The following UGT1A8 variants were observed in gnomAD, a reference collection of about 807,000 sequenced individuals.
UGT1A8 encodes the protein UDP glucuronosyltransferase family 1 member A8, also known as UDP-glucuronosyltransferase 1A8.
UGT1A8 carries 39 observed loss-of-function variants against 45.3 expected under a neutral mutation model. The ratio of observed to expected loss-of-function variants is 0.86; its 90% confidence interval spans 0.67 to 1.12. UGT1A8 has a LOEUF of 1.12. Ranked by LOEUF, UGT1A8 falls within the 50% of genes most tolerant of loss-of-function variation. The probability of loss-of-function intolerance (pLI) is 0.00; values close to 1 mark genes in which losing one functional copy is unlikely to be tolerated. For synonymous variants in UGT1A8, 275 were observed against 249.2 expected, an observed-to-expected ratio of 1.10 and a Z score of -0.97; for missense variants, 719 against 664.9, an observed-to-expected ratio of 1.08 and a Z score of -0.90.
chr2:233,661,685 A>T, intron 1 of UGT1A8, among the ~76,000 whole-genome samples: 1 of 28,624 alleles, frequency 3.5e-5, no homozygotes, highest in African/African-American at 1.7e-4. Flanking sequence ...CTTTCTTTTT[A>T]AACAAAGGTC....
rs2072937243 is a variant in UGT1A8 at position 233,618,135 on chromosome 2, A to T, written c.428A>T (p.Asp143Val). 6.2e-7 allele frequency: 1 copy of T among 1,613,940 alleles called. No individual in the cohort carries two copies. Among genetic ancestry groups the T allele is most frequent in the Admixed American group, 1.7e-5 (1 of 59,986 alleles). ...LVEYLKESSF[D>V]AVFLDPFDAC... is the part of the protein sequence containing the mutation. ...GAATACTTAAAGGAGAGTTCTTTTG[A>T]TGCGGTGTTTCTTGATCCTTTTGAT... The change falls in exon 1 of 5, where the codon GAT becomes GTT. Residue 143 changes from aspartate to valine, a missense_variant. By Grantham distance (152) the Asp-to-Val change is radical. Coordinates refer to ENST00000373450, the MANE Select transcript of UGT1A8 (RefSeq NM_019076.5).
At chr2:233,752,762 C>CA (rs1695055217) in intron 1 of UGT1A8, among the ~76,000 whole-genome samples, 1 of 152,222 alleles carries the variant, frequency 6.6e-6, no homozygotes, top group Non-Finnish European at 1.5e-5. Flanking sequence ...AACAAACAAA[C>CA]AAACAAACAA....
chr2:233,747,780 C>A, intron 1 of UGT1A8: 1 of 1,613,502 alleles, frequency 6.2e-7, no homozygotes, highest in South Asian at 1.1e-5. Flanking sequence ...GTGTCCAAAT[C>A]CTTCCTCCTA....
At chr2:233,733,900 C>G (rs1176536983) in intron 1 of UGT1A8, among the ~76,000 whole-genome samples, 1 of 151,704 alleles carries the variant, frequency 6.6e-6, no homozygotes, top group Non-Finnish European at 1.5e-5. Context: ...CTGTTTGTAC[C>G]TCTCTGGTAG....
At chr2:233,664,747 G>A (rs888093811) in intron 1 of UGT1A8, among the ~76,000 whole-genome samples, 11 of 152,114 alleles carry the variant, frequency 7.2e-5, no homozygotes, top group African/African-American at 2.7e-4. Context: ...CTCCAACATT[G>A]GGTATCATAT....
intron 1 of UGT1A8, chr2:233,750,567 C>G (rs1230562765): frequency 2.0e-5 from 3 of 151,970 alleles, no homozygotes; most frequent in Admixed American, 6.5e-5. Context: ...GCAGCAGACC[C>G]TCCCATCACA....
At chr2:233,694,323 T>G (rs764073921) in intron 1 of UGT1A8, among the ~76,000 whole-genome samples, 4 of 152,006 alleles carry the variant, frequency 2.6e-5, no homozygotes, top group Non-Finnish European at 5.9e-5. Flanking sequence ...TTTCCTTTTA[T>G]GTTGAGACCT....
At chr2:233,709,342 AC>A (rs2076072449) in intron 1 of UGT1A8, among the ~76,000 whole-genome samples, 1 of 152,100 alleles carries the variant, frequency 6.6e-6, no homozygotes, top group African/African-American at 2.4e-5. Context: ...TGTCATATAA[AC>A]CTATTACTAT....
Position 233,683,904 on chromosome 2 carries a change from C to T in UGT1A8, c.855+65342C>T, listed in dbSNP as rs548242603. ...CTGGTATTTATACCTCTTATTTTGGCGGAGCATATAGTTCCAAAATATTAT... is the reference window on the plus strand; with the variant it reads ...CTGGTATTTATACCTCTTATTTTGGTGGAGCATATAGTTCCAAAATATTAT... On this transcript the variant is annotated intron_variant, in intron 1 of 4. Transcript: ENST00000373450. 3.3e-5 allele frequency among the ~76,000 whole-genome samples: 5 copies of T among 152,148 alleles called. No individual in the cohort carries two copies. The South Asian group carries it at 6.2e-4, about 19-fold the overall frequency.
At chr2:233,647,925 A>G (rs2125472337) in intron 1 of UGT1A8, 1 of 1,602,188 alleles carries the variant, frequency 6.2e-7, no homozygotes, top group Middle Eastern at 2.1e-4. Flanking sequence ...TAGATCACTC[A>G]CTGCCCATGG....
intron 1 of UGT1A8, among the ~76,000 whole-genome samples, chr2:233,739,686 T>A (rs558118355): frequency 4.6e-5 from 7 of 152,354 alleles, no homozygotes; most frequent in Admixed American, 4.6e-4. Context: ...ACTAACTTGT[T>A]TTTGATTTTA....
At chr2:233,660,284 A>C (rs1193657374) in intron 1 of UGT1A8, among the ~76,000 whole-genome samples, 1 of 152,140 alleles carries the variant, frequency 6.6e-6, no homozygotes, top group Non-Finnish European at 1.5e-5. Flanking sequence ...TCCATAGAAA[A>C]CCATGTGTAA....
intron 1 of UGT1A8, among the ~76,000 whole-genome samples, chr2:233,744,623 G>T (rs1465647088): frequency 6.6e-6 from 1 of 151,866 alleles, no homozygotes; most frequent in Admixed American, 6.5e-5. Flanking sequence ...CTATAGAGAG[G>T]TGGATTCTCA....
In UGT1A8 at chr2:233,677,063, G is replaced by A. The variant is rs28970012; in HGVS notation, c.855+58501G>A. On this transcript the variant is annotated intron_variant, in intron 1 of 4. Coordinates refer to ENST00000373450, the MANE Select transcript of UGT1A8 (RefSeq NM_019076.5). The stretch of plus-strand genomic sequence containing the variant: ...CATTACCATATGCATTTTAAAATAA[G>A]TTCATTAATGTGTGCAAAAATCCTG... Among the ~76,000 whole-genome samples, 1,487 of 151,802 alleles carry A rather than the reference G, an allele frequency of 9.8e-3. 36 individuals carry two copies. The highest frequency in any genetic ancestry group is 0.034 in the African/African-American group (1,392 of 41,392).
chr2:233,642,175 T>C (rs555180183), intron 1 of UGT1A8, among the ~76,000 whole-genome samples: 3 of 152,352 alleles, frequency 2.0e-5, no homozygotes, highest in South Asian at 4.1e-4. Flanking sequence ...TTCTAGATCC[T>C]ATAAGCATGC....
At chr2:233,682,873 A>G (rs1025684504) in intron 1 of UGT1A8, 2 of 1,521,660 alleles carry the variant, frequency 1.3e-6, no homozygotes, top group Non-Finnish European at 1.8e-6. Flanking sequence ...ATAATTTATC[A>G]TTTACATTTG....
chr2:233,722,177 A>G (rs1303891517), intron 1 of UGT1A8: 1 of 157,672 alleles, frequency 6.3e-6, no homozygotes, highest in East Asian at 1.9e-4. Context: ...GACCTTTGCC[A>G]TGTTCGTGCC....
At position 233,768,260 on chromosome 2, in the gene UGT1A8, C is replaced by T; in HGVS notation, c.1116C>T (p.Ser372=). The T allele has an allele frequency of 6.2e-7, 1 of 1,614,136 alleles. No individual in the cohort carries two copies. Among genetic ancestry groups the T allele is most frequent in the Non-Finnish European group, 8.5e-7 (1 of 1,180,024 alleles). The change falls in exon 4 of 5, where the codon TCC becomes TCT. Residue 372 remains serine, a synonymous_variant. Transcript: ENST00000373450. ...MTRAFITHAG[S]HGVYESICNG... Reference sequence around the variant, plus strand: ...GTGCCTTTATCACCCATGCTGGTTCCCATGGTGTTTATGAAAGCATATGCA... The same window carrying T: ...GTGCCTTTATCACCCATGCTGGTTCTCATGGTGTTTATGAAAGCATATGCA...
chr2:233,716,876 G>C (rs1278140723), intron 1 of UGT1A8, among the ~76,000 whole-genome samples: 4 of 152,084 alleles, frequency 2.6e-5, no homozygotes, highest in Non-Finnish European at 5.9e-5. Flanking sequence ...AAGTCTATCT[G>C]TGCAGCCCAG....
Sources: allele counts gnomAD v4.1 joint callset (sites outside exome capture counted in the v4.1 genomes callset), GRCh38; gene constraint gnomAD v4.1.1; transcripts MANE v1.5; gene names NCBI Gene and HGNC (gene_info 2026-07-23, HGNC 2026-07-21).